Variants in PRRC2B observed in about 807,000 individuals in gnomAD.
The protein encoded by PRRC2B is proline rich coiled-coil 2B.
Under a neutral mutation model 242.3 loss-of-function variants are expected in PRRC2B, and 68 were observed. The observed-to-expected ratio is 0.28, with a 90% CI of 0.23 to 0.34. PRRC2B has a LOEUF of 0.34. PRRC2B is among the 10% of genes least tolerant of loss of function. PRRC2B has a pLI of 1.00. For missense variants in PRRC2B, 2,835 were observed against 2,954.8 expected, an observed-to-expected ratio of 0.96 and a Z score of 0.94; for synonymous variants, 1,228 against 1,173.6, an observed-to-expected ratio of 1.05 and a Z score of -0.95.
intron 5 of PRRC2B, among the ~76,000 whole-genome samples, chr9:131,443,136 ATTAT>A (rs1213071949): frequency 2.3e-4 from 19 of 83,624 alleles, no homozygotes; most frequent in Non-Finnish European, 3.5e-4. Context: ...ATTTTATTTT[ATTAT>A]TTTTTTTTTT....
chr9:131,378,784 A>AT (rs1351597196), intron 1 of PRRC2B, among the ~76,000 whole-genome samples: 1 of 151,864 alleles, frequency 6.6e-6, no homozygotes, highest in Admixed American at 6.6e-5. Context: ...CAGTGGTGTG[A>AT]TTTTTGGCCC....
Position 131,484,958 on chromosome 9 carries a change from C to T in PRRC2B, c.5576C>T (p.Ala1859Val), listed in dbSNP as rs1369104677. Reference protein sequence around the residue: ...TADLTLKMESARKAWENSPSL... With the variant: ...TADLTLKMESVRKAWENSPSL... The stretch of plus-strand genomic sequence containing the variant: ...CCCTTGCTTCTGAAGATGGAGTCTG[C>T]GCGCAAGGCTTGGGAAAACTCCCCC... The change falls in exon 25 of 32, where the codon GCG becomes GTG. Residue 1859 changes from alanine (A) to valine (V), a missense_variant. Ala to Val is a moderately conservative substitution (Grantham distance 64). Transcript: ENST00000683519. 2 of 1,611,232 alleles carry T rather than the reference C, an allele frequency of 1.2e-6. No homozygotes were observed. The highest frequency in any genetic ancestry group is 8.5e-7 in the Non-Finnish European group (1 of 1,177,990).
chr9:131,467,625 T>G lies in PRRC2B; in HGVS notation c.1783T>G (p.Ser595Ala), dbSNP rs1182404148. Residue 595 changes from serine to alanine, a missense_variant, in exon 13 of 32, where the codon TCC becomes GCC. Physicochemically the swap from Ser to Ala is moderately conservative, Grantham distance 99 (BLOSUM62 1). This residue lies in a region of PRRC2B where 1,536 missense variants were observed against 1,483.1 expected (regional missense o/e 1.04). Coordinates refer to ENST00000683519, the MANE Select transcript of PRRC2B (RefSeq NM_013318.4). ...ATTCCCAGAAGAGGCACCCACAGTGTCCCCAGCAGTGGCACAGAGCAACAG... is the reference window on the plus strand; with the variant it reads ...ATTCCCAGAAGAGGCACCCACAGTGGCCCCAGCAGTGGCACAGAGCAACAG... ...TTFPEEAPTV[S>A]PAVAQSNSSE... is the part of the protein sequence containing the mutation. The G allele has an allele frequency of 6.2e-7, 1 of 1,613,578 alleles. No homozygotes were observed. The highest frequency in any genetic ancestry group is 1.1e-5 in the South Asian group (1 of 91,030).
chr9:131,408,971 G>A (rs1837437359), intron 1 of PRRC2B, among the ~76,000 whole-genome samples: 2 of 150,132 alleles, frequency 1.3e-5, no homozygotes, highest in African/African-American at 4.9e-5. Flanking sequence ...CACCCCCCTC[G>A]GCCTCCCAAA....
In PRRC2B at chr9:131,447,077, T is replaced by C. The variant is rs772308518; in HGVS notation, c.856-8T>C. On this transcript the variant is annotated splice_polypyrimidine_tract_variant and splice_region_variant and intron_variant, in intron 7 of 31. Transcript: ENST00000683519. The stretch of plus-strand genomic sequence containing the variant: ...CAGCAAATCCTGTTCATTGATGTTA[T>C]GTTTCAGATGTGTTCGCCGAAGTCA... The C allele has an allele frequency of 9.9e-5, 159 of 1,613,882 alleles. No individual in the cohort carries two copies. In the Middle Eastern group the frequency reaches 3.0e-3, roughly 30 times the overall value.
At chr9:131,407,006 CTG>C (rs1372577424) in intron 1 of PRRC2B, among the ~76,000 whole-genome samples, 2 of 152,170 alleles carry the variant, frequency 1.3e-5, no homozygotes, top group Non-Finnish European at 2.9e-5. Flanking sequence ...GGAGGTGTGA[CTG>C]TTTATAGGTA....
intron 5 of PRRC2B, among the ~76,000 whole-genome samples, chr9:131,443,607 T>G (rs1838687885): frequency 6.6e-6 from 1 of 152,064 alleles, no homozygotes; most frequent in Non-Finnish European, 1.5e-5. Flanking sequence ...TTTTTGTATT[T>G]TTTGGTAGAG....
At chr9:131,491,165 C>T (rs78099164) in intron 28 of PRRC2B, 12,627 of 432,840 alleles carry the variant, frequency 0.029, 266 homozygotes, top group Middle Eastern at 0.051. Flanking sequence ...CCCATGCCTG[C>T]AGCCAGCTTA....
At chr9:131,478,805 A>G (rs559741929) in intron 18 of PRRC2B, among the ~76,000 whole-genome samples, 186 bp downstream of exon 18, 2 of 152,268 alleles carry the variant, frequency 1.3e-5, no homozygotes, top group Admixed American at 6.5e-5. Flanking sequence ...CTATCAATGT[A>G]GGAATAGGTG....
chr9:131,376,989 A>G (rs1004180500), intron 1 of PRRC2B, among the ~76,000 whole-genome samples: 2 of 152,176 alleles, frequency 1.3e-5, no homozygotes, highest in Non-Finnish European at 2.9e-5. Flanking sequence ...CCTGGGTGAC[A>G]CAGCAAGACC....
At chr9:131,413,263 C>G (rs964044348) in intron 1 of PRRC2B, among the ~76,000 whole-genome samples, 5 of 152,134 alleles carry the variant, frequency 3.3e-5, no homozygotes, top group Non-Finnish European at 5.9e-5. Flanking sequence ...GCCTTCGCCT[C>G]TTTTAAAAAG....
At chr9:131,406,982 A>C (rs1564275387) in intron 1 of PRRC2B, among the ~76,000 whole-genome samples, 1 of 152,210 alleles carries the variant, frequency 6.6e-6, no homozygotes, top group Non-Finnish European at 1.5e-5. Flanking sequence ...ACCTGAAGTG[A>C]CCACTGGAAG....
chr9:131,430,204 T>C lies in PRRC2B; in HGVS notation c.60T>C (p.Thr20=). The change falls in exon 2 of 32, where the codon ACT becomes ACC. Residue 20 remains threonine, a synonymous_variant. Coordinates refer to ENST00000683519, the MANE Select transcript of PRRC2B (RefSeq NM_013318.4). ...KGKDGKSKYS[T]LSLFDKYKGK... ...AGGATGGGAAAAGCAAGTACTCGAC[T>C]CTCAGCCTGTTTGATAAGTATAAAG... The C allele has an allele frequency of 6.2e-7, 1 of 1,608,358 alleles. No individual in the cohort carries two copies. Among genetic ancestry groups the C allele is most frequent in the Non-Finnish European group, 8.5e-7 (1 of 1,177,402 alleles).
Position 131,486,698 on chromosome 9 carries a change from C to T in PRRC2B, c.5857-469C>T, listed in dbSNP as rs536995592. ...TCAGACCCATGTGCCTCCACAGCCA[C>T]GACAGTGGACTTCCAGGCAGAATCT... On this transcript the variant is annotated intron_variant, in intron 26 of 31. Coordinates refer to ENST00000683519, the MANE Select transcript of PRRC2B (RefSeq NM_013318.4). 1.2e-4 allele frequency among the ~76,000 whole-genome samples: 19 copies of T among 152,340 alleles called. No individual in the cohort carries two copies. In the East Asian group the frequency reaches 3.5e-3, roughly 28 times the overall value.
At chr9:131,472,471 A>AT (rs749051569) in intron 14 of PRRC2B, among the ~76,000 whole-genome samples, 13,290 of 91,430 alleles carry the variant, frequency 0.15, 1,924 homozygotes, top group African/African-American at 0.17. Context: ...CGCCCAGCTA[A>AT]TTTTTTTTTT....
chr9:131,395,887 G>C (rs1314463325), intron 1 of PRRC2B, among the ~76,000 whole-genome samples: 1 of 152,176 alleles, frequency 6.6e-6, no homozygotes, highest in African/African-American at 2.4e-5. Flanking sequence ...AGAACAGTAC[G>C]AGATGCTCAG....
intron 1 of PRRC2B, among the ~76,000 whole-genome samples, chr9:131,418,791 T>C (rs968154596): frequency 1.3e-5 from 2 of 152,234 alleles, no homozygotes; most frequent in African/African-American, 4.8e-5. Flanking sequence ...AAAAAACAAA[T>C]AGCAAATCTG....
intron 13 of PRRC2B, among the ~76,000 whole-genome samples, chr9:131,469,388 C>G (rs747908915): frequency 2.6e-5 from 4 of 152,134 alleles, no homozygotes; most frequent in Non-Finnish European, 4.4e-5. Context: ...AGCACCAGGG[C>G]AGCCTGTCTG....
At chr9:131,462,611 G>A (rs941327711) in intron 11 of PRRC2B, among the ~76,000 whole-genome samples, 15 of 151,690 alleles carry the variant, frequency 9.9e-5, no homozygotes, top group African/African-American at 3.4e-4. Flanking sequence ...AGGCCGAGGC[G>A]GGTGGATCAC....
Sources: allele counts gnomAD v4.1 joint callset (sites outside exome capture counted in the v4.1 genomes callset), GRCh38; gene constraint gnomAD v4.1.1; regional missense constraint gnomAD v4.1.1; transcripts MANE v1.5; gene names NCBI Gene and HGNC (gene_info 2026-07-23, HGNC 2026-07-21).